PRKCA: variants seen among roughly 807,000 people sequenced by gnomAD.
PRKCA encodes the protein protein kinase C alpha type.
Under a neutral mutation model 87.0 loss-of-function variants are expected in PRKCA, and 27 were observed. That is an observed-to-expected ratio of 0.31 (90% CI 0.23 to 0.43). The LOEUF is 0.43. Ranked by LOEUF, PRKCA falls within the 20% of genes least tolerant of loss-of-function variation. The pLI is 1.00. For missense variants in PRKCA, 518 were observed against 852.3 expected (o/e 0.61, Z 4.88); for synonymous variants, 329 against 311.1 (o/e 1.06, Z -0.61).
intron 1 of PRKCA, among the ~76,000 whole-genome samples, chr17:66,304,978 A>G (rs972492706): frequency 1.3e-5 from 2 of 152,172 alleles, no homozygotes; most frequent in African/African-American, 2.4e-5. Flanking sequence ...TACTGAGGCT[A>G]GCTATTGTCT....
chr17:66,668,975 C>T (rs999103424), intron 5 of PRKCA, among the ~76,000 whole-genome samples: 2 of 151,996 alleles, frequency 1.3e-5, no homozygotes, highest in African/African-American at 2.4e-5. Context: ...TGGTGGCACA[C>T]ACCTGTAGTC....
chr17:66,563,749 G>A (rs999718792), intron 3 of PRKCA, among the ~76,000 whole-genome samples: 2 of 152,236 alleles, frequency 1.3e-5, no homozygotes, highest in Non-Finnish European at 2.9e-5. Context: ...CATAGGCTCT[G>A]TGAGGCTGTT....
At chr17:66,622,938 A>T (rs1970732092) in intron 3 of PRKCA, among the ~76,000 whole-genome samples, 2 of 152,308 alleles carry the variant, frequency 1.3e-5, no homozygotes, top group East Asian at 3.9e-4. Flanking sequence ...ATTCAAGATG[A>T]GATTTGGGTG....
At chr17:66,531,497 G>A (rs948138512) in intron 3 of PRKCA, among the ~76,000 whole-genome samples, 1 of 152,180 alleles carries the variant, frequency 6.6e-6, no homozygotes, top group African/African-American at 2.4e-5. Flanking sequence ...CCTAAAGCTC[G>A]ATTATTTTCA....
At chr17:66,551,927 C>CTGGG in intron 3 of PRKCA, among the ~76,000 whole-genome samples, 1 of 152,234 alleles carries the variant, frequency 6.6e-6, no homozygotes, top group Admixed American at 6.5e-5. Flanking sequence ...TTATAAAACC[C>CTGGG]TGGGCCATGA....
At chr17:66,331,766 A>G (rs555657335) in intron 2 of PRKCA, among the ~76,000 whole-genome samples, 1 of 152,318 alleles carries the variant, frequency 6.6e-6, no homozygotes, top group Admixed American at 6.5e-5. Flanking sequence ...GAACATACAG[A>G]CATAAGAATG....
At chr17:66,760,083 A>G (rs1053727747) in intron 13 of PRKCA, among the ~76,000 whole-genome samples, 4 of 152,234 alleles carry the variant, frequency 2.6e-5, no homozygotes, top group African/African-American at 7.2e-5. Flanking sequence ...ACTCTACTTC[A>G]TCCAACAACA....
intron 2 of PRKCA, chr17:66,403,755 A>T (rs1231028028): frequency 6.6e-6 from 1 of 152,228 alleles, no homozygotes; most frequent in African/African-American, 2.4e-5. Context: ...CAGTTCAAGT[A>T]ATAGAGCTTT....
intron 2 of PRKCA, among the ~76,000 whole-genome samples, chr17:66,485,736 C>G (rs1335137266): frequency 6.6e-6 from 1 of 152,108 alleles, no homozygotes; most frequent in Non-Finnish European, 1.5e-5. Context: ...TCCTGTTCCA[C>G]TACACTGAGG....
chr17:66,573,970 T>C (rs1969153760), intron 3 of PRKCA, among the ~76,000 whole-genome samples: 1 of 152,120 alleles, frequency 6.6e-6, no homozygotes, highest in African/African-American at 2.4e-5. Context: ...AAAAAATGAA[T>C]TTATTTTAAA....
intron 3 of PRKCA, among the ~76,000 whole-genome samples, chr17:66,632,433 G>A (rs913147236): frequency 6.6e-6 from 1 of 152,116 alleles, no homozygotes; most frequent in South Asian, 2.1e-4. Context: ...AGGCTGGAGT[G>A]CAGTGGCATG....
intron 2 of PRKCA, among the ~76,000 whole-genome samples, chr17:66,423,387 T>C (rs906702464): frequency 5.3e-5 from 8 of 152,208 alleles, no homozygotes; most frequent in Non-Finnish European, 8.8e-5. Flanking sequence ...CTTATTTGGA[T>C]TTTGCAGGTT....
At chr17:66,553,671 C>T (rs952470049) in intron 3 of PRKCA, among the ~76,000 whole-genome samples, 3 of 152,208 alleles carry the variant, frequency 2.0e-5, no homozygotes, top group South Asian at 2.1e-4. Flanking sequence ...TGAGGACACT[C>T]AAGCAGCCTT....
At chr17:66,756,210 G>A (rs563955679) in intron 13 of PRKCA, among the ~76,000 whole-genome samples, 33 of 152,248 alleles carry the variant, frequency 2.2e-4, no homozygotes, top group Admixed American at 1.1e-3. Flanking sequence ...AGAGCATCCC[G>A]TTCTTCTTAA....
chr17:66,391,465 C>T (rs1444088491), intron 2 of PRKCA, among the ~76,000 whole-genome samples: 6 of 152,064 alleles, frequency 3.9e-5, no homozygotes, highest in Non-Finnish European at 8.8e-5. Context: ...GGCCAAGGGT[C>T]GGTAGGGTCA....
chr17:66,323,060 T>C (rs1037070517), intron 2 of PRKCA, among the ~76,000 whole-genome samples: 3 of 152,216 alleles, frequency 2.0e-5, no homozygotes, highest in Admixed American at 6.5e-5. Context: ...TTAGGCACTA[T>C]AGTTTGATCT....
chr17:66,422,001 G>C (rs761913669), intron 2 of PRKCA, among the ~76,000 whole-genome samples: 1 of 152,070 alleles, frequency 6.6e-6, no homozygotes. Flanking sequence ...TCAGCAGGGG[G>C]TTGGTTTTGT....
intron 3 of PRKCA, among the ~76,000 whole-genome samples, chr17:66,580,371 AC>A (rs1287640594): frequency 6.6e-6 from 1 of 152,046 alleles, no homozygotes; most frequent in Non-Finnish European, 1.5e-5. Flanking sequence ...GATCTCAGAG[AC>A]CCTGGGATTT....
At chr17:66,481,705 C>T (rs944119301) in intron 2 of PRKCA, among the ~76,000 whole-genome samples, 2 of 152,166 alleles carry the variant, frequency 1.3e-5, no homozygotes, top group African/African-American at 4.8e-5. Flanking sequence ...GACTGGGCTT[C>T]ATGTAGTCCT....
Sources: gnomAD v4.1 joint callset for allele counts (sites outside exome capture counted in the v4.1 genomes callset) on GRCh38, gnomAD v4.1.1 for gene constraint, MANE v1.5 for transcripts, NCBI Gene and HGNC (gene_info 2026-07-23, HGNC 2026-07-21) for gene names.